Variants in HPF1 observed in about 807,000 individuals in gnomAD.
HPF1 encodes the protein UPF0609 protein C4orf27.
HPF1 carries 35 observed loss-of-function variants against 38.8 expected under a neutral mutation model. That is an observed-to-expected ratio of 0.90 (90% CI 0.69 to 1.19). The LOEUF is 1.19. Ranked by LOEUF, HPF1 falls within the 50% of genes most tolerant of loss-of-function variation. The pLI, the probability that HPF1 is intolerant of heterozygous loss-of-function variation, is 0.00. For missense variants in HPF1, 367 were observed against 405.8 expected (o/e 0.90, Z 0.82); for synonymous variants, 115 against 139.2 (o/e 0.83, Z 1.22).
At chr4:169,741,262 A>C (rs910422198) in intron 5 of HPF1, among the ~76,000 whole-genome samples, 2 of 152,230 alleles carry the variant, frequency 1.3e-5, no homozygotes, top group African/African-American at 4.8e-5. Flanking sequence ...TAGAACATTC[A>C]GATGAACCAG....
At chr4:169,746,479 G>T (rs1734048638) in intron 4 of HPF1, among the ~76,000 whole-genome samples, 1 of 152,002 alleles carries the variant, frequency 6.6e-6, no homozygotes. Flanking sequence ...ACATCAGTAA[G>T]GGTTCTTATA....
At chr4:169,749,720 CAAAAAA>C (rs11413826) in intron 3 of HPF1, among the ~76,000 whole-genome samples, 3 of 127,314 alleles carry the variant, frequency 2.4e-5, no homozygotes, top group African/African-American at 9.0e-5. Flanking sequence ...TACTCAAATA[CAAAAAA>C]AAAAAAAAAG....
chr4:169,742,057 T>C lies in HPF1; in HGVS notation c.548A>G (p.Asn183Ser). 6.2e-7 allele frequency: 1 copy of C among 1,610,478 alleles called. No homozygotes were observed. The highest frequency in any genetic ancestry group is 8.5e-7 in the Non-Finnish European group (1 of 1,176,872). Residue 183 changes from asparagine to serine, a missense_variant, in exon 5 of 8, where the codon AAT (asparagine) becomes AGT (serine). By Grantham distance (46) the Asn-to-Ser change is conservative. Coordinates refer to ENST00000393381, the MANE Select transcript of HPF1 (RefSeq NM_017867.3). Reference sequence around the variant, plus strand: ...TTTTTCATCTATGTTTTTCAAGAGATTGATTTTCTTTTTATCCGTTATTTC... The same window carrying C: ...TTTTTCATCTATGTTTTTCAAGAGACTGATTTTCTTTTTATCCGTTATTTC... ...LREITDKKKI[N>S]LLKNIDEKLT...
At position 169,757,840 on chromosome 4, in the gene HPF1, T is replaced by TCCCCGCCGGGC. The variant is rs1734210648; in HGVS notation, c.37_38insGCCCGGCGGGG (p.Glu13GlyfsTer15). The stretch of plus-strand genomic sequence containing the variant: ...CCTTTCCGGCAGTACCTGCGGCCCC[T>TCCCCGCCGGGC]CTCCGCCGGGCCTGCGCTTCCCGCC... On this transcript the variant is annotated frameshift_variant, in exon 1 of 8. Transcript: ENST00000393381. LOFTEE classifies it high-confidence loss of function. 1 of 1,562,558 alleles carries TCCCCGCCGGGC rather than the reference T, an allele frequency of 6.4e-7. No individual in the cohort carries two copies. Among genetic ancestry groups the TCCCCGCCGGGC allele is most frequent in the African/African-American group, 1.4e-5 (1 of 73,676 alleles).
At chr4:169,734,753 T>G (rs1733871954) in intron 6 of HPF1, among the ~76,000 whole-genome samples, 1 of 152,132 alleles carries the variant, frequency 6.6e-6, no homozygotes, top group Non-Finnish European at 1.5e-5. Context: ...AATACTTAAA[T>G]TAAGCTACAG....
At chr4:169,747,004 A>C (rs554548409) in intron 4 of HPF1, among the ~76,000 whole-genome samples, 3 of 150,876 alleles carry the variant, frequency 2.0e-5, no homozygotes, top group African/African-American at 7.3e-5. Flanking sequence ...AAAAAAAAAA[A>C]AAACATGACT....
intron 6 of HPF1, among the ~76,000 whole-genome samples, chr4:169,733,457 A>G (rs1733854815): frequency 6.6e-6 from 1 of 152,210 alleles, no homozygotes; most frequent in Non-Finnish European, 1.5e-5. Flanking sequence ...AAACATTTCC[A>G]AACAGGTGGC....
At chr4:169,750,233 A>C (rs1734100114) in intron 3 of HPF1, among the ~76,000 whole-genome samples, 1 of 146,300 alleles carries the variant, frequency 6.8e-6, no homozygotes, top group African/African-American at 2.8e-5. Flanking sequence ...ACCAGTTGCC[A>C]CTCTGGCACA....
intron 1 of HPF1, among the ~76,000 whole-genome samples, chr4:169,755,200 C>G (rs1251680051): frequency 6.6e-6 from 1 of 151,994 alleles, no homozygotes; most frequent in Non-Finnish European, 1.5e-5. Flanking sequence ...AGAGCAAAAA[C>G]AGAACAAATG....
At chr4:169,735,795 C>A (rs1733883897) in intron 6 of HPF1, among the ~76,000 whole-genome samples, 1 of 152,020 alleles carries the variant, frequency 6.6e-6, no homozygotes, top group Non-Finnish European at 1.5e-5. Flanking sequence ...CCACAATGGT[C>A]CCATCAGAGA....
intron 4 of HPF1, among the ~76,000 whole-genome samples, chr4:169,742,642 A>G (rs557659605): frequency 2.2e-4 from 34 of 152,270 alleles, no homozygotes; most frequent in Non-Finnish European, 4.3e-4. Context: ...AATACAAAAA[A>G]TTAGCCGGGC....
chr4:169,748,261 GGT>G (rs1734073318), intron 4 of HPF1, among the ~76,000 whole-genome samples: 1 of 152,100 alleles, frequency 6.6e-6, no homozygotes, highest in African/African-American at 2.4e-5. Flanking sequence ...TTACATAAGA[GGT>G]GTATTTTTTT....
chr4:169,743,461 A>G (rs1431396456), intron 4 of HPF1, among the ~76,000 whole-genome samples: 1 of 124,772 alleles, frequency 8.0e-6, no homozygotes, highest in Non-Finnish European at 1.6e-5. Context: ...GGACACTATT[A>G]TAACACTAAA....
intron 4 of HPF1, among the ~76,000 whole-genome samples, chr4:169,745,907 T>C (rs903266463): frequency 1.3e-5 from 2 of 152,192 alleles, no homozygotes; most frequent in African/African-American, 4.8e-5. Flanking sequence ...CACTATTTAC[T>C]TTGTGCCATT....
Position 169,750,570 on chromosome 4 carries a change from C to A in HPF1, c.364G>T (p.Asp122Tyr), listed in dbSNP as rs1182580650. 1 of 1,609,992 alleles carries A rather than the reference C, an allele frequency of 6.2e-7. No individual in the cohort carries two copies. The highest frequency in any genetic ancestry group is 8.5e-7 in the Non-Finnish European group (1 of 1,178,436). Residue 122 changes from aspartate (D) to tyrosine (Y), a missense_variant, in exon 3 of 8, where the codon GAT (aspartate) becomes TAT (tyrosine). By Grantham distance (160) the Asp-to-Tyr change is radical. Transcript: ENST00000393381. The part of the protein sequence containing the change: ...PPEFQTIIIG[D>Y]NKTQYHMGYF... ...CCCATGTGGTACTGAGTTTTATTAT[C>A]TCCAATAATAATGGTCTGGAACTCA...
intron 1 of HPF1, among the ~76,000 whole-genome samples, chr4:169,755,089 T>C (rs1206205937): frequency 2.4e-5 from 3 of 127,202 alleles, no homozygotes; most frequent in Non-Finnish European, 4.8e-5. Context: ...TATATTCTTC[T>C]ATTTTCTCAG....
At chr4:169,751,036 C>G (rs904928729) in intron 2 of HPF1, among the ~76,000 whole-genome samples, 2 of 152,192 alleles carry the variant, frequency 1.3e-5, no homozygotes, top group Non-Finnish European at 2.9e-5. Context: ...CATTACCACA[C>G]TGCAGTTAGC....
chr4:169,741,782 A>AC (rs1733972043), intron 5 of HPF1, among the ~76,000 whole-genome samples, 175 bp downstream of exon 5: 3 of 152,004 alleles, frequency 2.0e-5, no homozygotes, highest in African/African-American at 7.3e-5. Context: ...GAGCCATCTG[A>AC]CCCCTGTTTC....
rs565270650 is a variant in HPF1, at chr4:169,741,983, C to T, written c.622G>A (p.Val208Met). The change falls in exon 5 of 8, where the codon GTG (valine) becomes ATG (methionine). Residue 208 changes from valine (V) to methionine (M), a missense_variant. Coordinates refer to ENST00000393381, the MANE Select transcript of HPF1 (RefSeq NM_017867.3). ...ELGYSLEQRT[V>M]KMKQRDKKVV... ...TTCTTATCTCTCTGTTTCATCTTCACGGTTCTCTGTTCAAGCGAGTACCCC... is the reference window on the plus strand; with the variant it reads ...TTCTTATCTCTCTGTTTCATCTTCATGGTTCTCTGTTCAAGCGAGTACCCC... 34 of 1,613,506 alleles carry T rather than the reference C, an allele frequency of 2.1e-5. No individual in the cohort carries two copies. Among genetic ancestry groups the T allele is most frequent in the East Asian group, 4.5e-5 (2 of 44,880 alleles).
Sources: allele counts gnomAD v4.1 joint callset (sites outside exome capture counted in the v4.1 genomes callset), GRCh38; gene constraint gnomAD v4.1.1; transcripts MANE v1.5; gene names NCBI Gene and HGNC (gene_info 2026-07-23, HGNC 2026-07-21).